ROR1: variants seen among roughly 807,000 people sequenced by gnomAD.
ROR1 encodes ROR family WNT receptor 1.
Under a neutral mutation model 78.8 loss-of-function variants are expected in ROR1, and 19 were observed. The ratio of observed to expected loss-of-function variants is 0.24; its 90% CI spans 0.17 to 0.35. The LOEUF (loss-of-function observed/expected upper bound fraction) is 0.35, where lower values mean the gene tolerates loss of function less well. Among genes scored for constraint, ROR1 ranks in the 10% least tolerant of loss-of-function variants. The probability of loss-of-function intolerance (pLI) is 1.00; values close to 1 mark genes in which losing one functional copy is unlikely to be tolerated. For synonymous variants in ROR1, 386 were observed against 433.6 expected (o/e 0.89, Z 1.36); for missense variants, 917 against 1,177.8 (o/e 0.78, Z 3.24).
At chr1:64,059,177 A>G (rs1646897313) in intron 4 of ROR1, among the ~76,000 whole-genome samples, 1 of 152,020 alleles carries the variant, frequency 6.6e-6, no homozygotes, top group African/African-American at 2.4e-5. Flanking sequence ...TAATTTTAAT[A>G]ATTTGTGTCT....
intron 2 of ROR1, among the ~76,000 whole-genome samples, chr1:64,020,071 G>A (rs1646552646): frequency 6.6e-6 from 1 of 152,156 alleles, no homozygotes; most frequent in Admixed American, 6.6e-5. Context: ...CAGAAACTAA[G>A]AGACAAGGAA....
intron 1 of ROR1, among the ~76,000 whole-genome samples, chr1:63,941,402 A>AGTTGTCTGGATTACTCTGGC (rs1438453303): frequency 6.6e-6 from 1 of 152,166 alleles, no homozygotes; most frequent in Non-Finnish European, 1.5e-5. Context: ...GATATATAGG[A>AGTTGTCTGGATTACTCTGGC]GTTGTCTGGA....
At chr1:64,126,043 C>A (rs1455107974) in intron 4 of ROR1, among the ~76,000 whole-genome samples, 1 of 152,090 alleles carries the variant, frequency 6.6e-6, no homozygotes, top group East Asian at 1.9e-4. Flanking sequence ...CATATTTTCT[C>A]ATGAACTAAT....
intron 4 of ROR1, among the ~76,000 whole-genome samples, chr1:64,118,042 A>T (rs976621109): frequency 1.1e-4 from 17 of 152,190 alleles, no homozygotes; most frequent in Admixed American, 2.6e-4. Flanking sequence ...CTCTACAGAA[A>T]AAACACACAA....
intron 1 of ROR1, among the ~76,000 whole-genome samples, chr1:63,925,956 C>T (rs11485623): frequency 0.02 from 2,976 of 149,186 alleles, 95 homozygotes; most frequent in African/African-American, 0.071. Context: ...TTCTCCCATT[C>T]TGTAGGTTGC....
intron 1 of ROR1, among the ~76,000 whole-genome samples, chr1:63,831,330 A>T (rs1569784389): frequency 6.6e-6 from 1 of 152,018 alleles, no homozygotes; most frequent in Non-Finnish European, 1.5e-5. Context: ...TGAGGACTCC[A>T]CTCCTGCAGC....
intron 1 of ROR1, among the ~76,000 whole-genome samples, chr1:63,780,827 T>G (rs970280644): frequency 6.6e-6 from 1 of 152,200 alleles, no homozygotes; most frequent in Non-Finnish European, 1.5e-5. Flanking sequence ...AGGTGCTTAG[T>G]GTAATTCCAG....
At chr1:63,780,288 G>A (rs1323760428) in intron 1 of ROR1, among the ~76,000 whole-genome samples, 1 of 152,046 alleles carries the variant, frequency 6.6e-6, no homozygotes, top group Non-Finnish European at 1.5e-5. Flanking sequence ...TAAAGAGGTG[G>A]CGTGGAGTAA....
intron 1 of ROR1, among the ~76,000 whole-genome samples, chr1:63,958,656 A>G (rs181145651): frequency 3.9e-4 from 59 of 152,338 alleles, no homozygotes; most frequent in Non-Finnish European, 3.7e-4. Flanking sequence ...TGGCAGTCCA[A>G]TGCTCATATA....
Position 63,850,064 on chromosome 1 carries a change from A to G in ROR1, c.91+75556A>G, listed in dbSNP as rs548877765. Among the ~76,000 whole-genome samples, 9 of 152,318 alleles carry G rather than the reference A, an allele frequency of 5.9e-5. No individual in the cohort carries two copies. The East Asian group carries it at 1.3e-3, about 23-fold the overall frequency. On this transcript the variant is annotated intron_variant, in intron 1 of 8. Coordinates refer to ENST00000371079, the MANE Select transcript of ROR1 (RefSeq NM_005012.4). ...GTTTTTATATTTTTGCTCTCTGTGC[A>G]TAAATGCACTGAGTGCTACTAAAAA...
At chr1:63,859,862 G>A (rs1645169445) in intron 1 of ROR1, among the ~76,000 whole-genome samples, 1 of 152,224 alleles carries the variant, frequency 6.6e-6, no homozygotes, top group South Asian at 2.1e-4. Context: ...TAGGGTAGTT[G>A]CAAAGTGTCA....
At chr1:64,011,992 A>G (rs1318999436) in intron 2 of ROR1, among the ~76,000 whole-genome samples, 1 of 152,234 alleles carries the variant, frequency 6.6e-6, no homozygotes, top group Non-Finnish European at 1.5e-5. Context: ...CACTTCTTCC[A>G]ATCACAGAGA....
At chr1:63,933,637 A>G (rs891258863) in intron 1 of ROR1, among the ~76,000 whole-genome samples, 2 of 152,200 alleles carry the variant, frequency 1.3e-5, no homozygotes, top group African/African-American at 2.4e-5. Context: ...GTTTTATCTA[A>G]TTGCAACAAT....
chr1:63,817,357 G>A (rs534797183), intron 1 of ROR1, among the ~76,000 whole-genome samples: 6 of 152,282 alleles, frequency 3.9e-5, no homozygotes, highest in Non-Finnish European at 8.8e-5. Context: ...ACTTTGTTGA[G>A]CTTTAACTTA....
chr1:63,938,209 ATAGAG>A (rs1379304904), intron 1 of ROR1, among the ~76,000 whole-genome samples: 4 of 152,232 alleles, frequency 2.6e-5, no homozygotes, highest in African/African-American at 4.8e-5. Context: ...TCCCTAGACA[ATAGAG>A]TATAGAATCT....
At chr1:63,999,283 A>G (rs1646364543) in intron 1 of ROR1, among the ~76,000 whole-genome samples, 1 of 152,218 alleles carries the variant, frequency 6.6e-6, no homozygotes, top group South Asian at 2.1e-4. Flanking sequence ...CATCTTTTCT[A>G]TGAAGATCGG....
chr1:64,080,591 C>G (rs1569703177), intron 4 of ROR1, among the ~76,000 whole-genome samples: 1 of 152,216 alleles, frequency 6.6e-6, no homozygotes, highest in East Asian at 1.9e-4. Context: ...TTTAAACTCC[C>G]TTTGACCAGA....
At chr1:64,141,636 C>G (rs1316237331) in intron 6 of ROR1, among the ~76,000 whole-genome samples, 1 of 152,176 alleles carries the variant, frequency 6.6e-6, no homozygotes, top group African/African-American at 2.4e-5. Flanking sequence ...ACGCAAAAGA[C>G]TATTTCAGTG....
At chr1:63,876,208 G>A (rs1395426447) in intron 1 of ROR1, among the ~76,000 whole-genome samples, 1 of 152,078 alleles carries the variant, frequency 6.6e-6, no homozygotes, top group African/African-American at 2.4e-5. Flanking sequence ...GAGTGAAGTG[G>A]CTTACACCTC....
Sources: gnomAD v4.1 joint callset for allele counts (sites outside exome capture counted in the v4.1 genomes callset) on GRCh38, gnomAD v4.1.1 for gene constraint, MANE v1.5 for transcripts, NCBI Gene and HGNC (gene_info 2026-07-23, HGNC 2026-07-21) for gene names.